Variants in NFKB1 observed in about 807,000 individuals in gnomAD.
The protein encoded by NFKB1 is nuclear factor NF-kappa-B p105 subunit.
Under a neutral mutation model 105.1 loss-of-function variants are expected in NFKB1, and 9 were observed. The observed-to-expected ratio is 0.09, with a 90% CI of 0.05 to 0.15. NFKB1 has a LOEUF of 0.15. Ranked by LOEUF, NFKB1 falls within the 10% of genes least tolerant of loss-of-function variation. The probability of loss-of-function intolerance (pLI) is 1.00; values close to 1 mark genes in which losing one functional copy is unlikely to be tolerated. For synonymous variants in NFKB1, 440 were observed against 442.2 expected, an observed-to-expected ratio of 1.00 and a Z score of 0.06; for missense variants, 830 against 1,203.7, an observed-to-expected ratio of 0.69 and a Z score of 4.59.
At chr4:102,521,754 C>G (rs1249996651) in intron 1 of NFKB1, among the ~76,000 whole-genome samples, 1 of 152,100 alleles carries the variant, frequency 6.6e-6, no homozygotes. Context: ...AGCTCATGTG[C>G]TACACTTTGG....
intron 11 of NFKB1, 93 bp downstream of exon 11, chr4:102,584,913 A>C: frequency 8.0e-7 from 1 of 1,252,282 alleles, no homozygotes; most frequent in Non-Finnish European, 1.1e-6. Flanking sequence ...ACAGAGTCTG[A>C]CTCTGTTGCC....
chr4:102,521,624 A>C (rs962247324), intron 1 of NFKB1, among the ~76,000 whole-genome samples: 1 of 152,188 alleles, frequency 6.6e-6, no homozygotes, highest in Non-Finnish European at 1.5e-5. Context: ...AAGTGTGAAT[A>C]TCTCTGATCC....
At chr4:102,570,332 T>C (rs1724230306) in intron 6 of NFKB1, among the ~76,000 whole-genome samples, 1 of 152,222 alleles carries the variant, frequency 6.6e-6, no homozygotes, top group Non-Finnish European at 1.5e-5. Context: ...GTTCCTGCAT[T>C]AGTTTGCTAA....
In NFKB1 at chr4:102,520,155, C is replaced by G. The variant is rs1740471029; in HGVS notation, c.-7-5357C>G. Among the ~76,000 whole-genome samples, 12 of 152,234 alleles carry G rather than the reference C, an allele frequency of 7.9e-5. No homozygotes were observed. In the South Asian group the frequency reaches 2.3e-3, roughly 29 times the overall value. On this transcript the variant is annotated intron_variant, in intron 1 of 23. Transcript: ENST00000226574. ...TGTCTTCAAACGTTGCCAAATGACC[C>G]CTGGGGGCAAAATGCAAACAGTTTA...
chr4:102,517,766 A>G lies in NFKB1; in HGVS notation c.-7-7746A>G, dbSNP rs1740297586. Reference sequence around the variant, plus strand: ...GAGGTAGAAAAGATGGCATTTCAGGATGCAGGGCATATTGTGAACAAATGT... The same window carrying G: ...GAGGTAGAAAAGATGGCATTTCAGGGTGCAGGGCATATTGTGAACAAATGT... On this transcript the variant is annotated intron_variant, in intron 1 of 23. Coordinates refer to ENST00000226574, the MANE Select transcript of NFKB1 (RefSeq NM_003998.4). Among the ~76,000 whole-genome samples, 3 of 152,208 alleles carry G rather than the reference A, an allele frequency of 2.0e-5. No homozygotes were observed. The South Asian group carries it at 6.2e-4, about 32-fold the overall frequency.
chr4:102,585,265 T>C (rs1245883592), intron 11 of NFKB1, among the ~76,000 whole-genome samples: 1 of 152,184 alleles, frequency 6.6e-6, no homozygotes, highest in Non-Finnish European at 1.5e-5. Flanking sequence ...AGCTTTCTAG[T>C]AACAGGTCCC....
intron 23 of NFKB1, among the ~76,000 whole-genome samples, chr4:102,614,823 T>G (rs1728789210): frequency 6.6e-6 from 1 of 152,006 alleles, no homozygotes; most frequent in African/African-American, 2.4e-5. Flanking sequence ...GGGTCAGTCC[T>G]AAACCCTCCC....
chr4:102,608,052 C>G (rs1478636007), intron 19 of NFKB1, among the ~76,000 whole-genome samples: 1 of 152,130 alleles, frequency 6.6e-6, no homozygotes, highest in Non-Finnish European at 1.5e-5. Flanking sequence ...GAGTTTGATT[C>G]CTTATAGAAT....
At chr4:102,607,023 A>G (rs1000969468) in intron 17 of NFKB1, 127 bp from the exon 18 acceptor site, 5 of 949,986 alleles carry the variant, frequency 5.3e-6, no homozygotes, top group East Asian at 2.4e-5. Context: ...AAAGCAGAAC[A>G]ATAGACTTAT....
intron 1 of NFKB1, among the ~76,000 whole-genome samples, chr4:102,523,253 T>C (rs928569447): frequency 2.0e-5 from 3 of 152,228 alleles, no homozygotes; most frequent in African/African-American, 7.2e-5. Flanking sequence ...CTTGTCTTAA[T>C]TGAGATTTGT....
At chr4:102,567,215 T>TAATGAAAGGGGCCTG in intron 6 of NFKB1, 80 bp downstream of exon 6, 2 of 1,454,308 alleles carry the variant, frequency 1.4e-6, no homozygotes, top group Non-Finnish European at 1.9e-6. Flanking sequence ...AACAGGCCCC[T>TAATGAAAGGGGCCTG]TTCATTAGGG....
chr4:102,603,846 C>T (rs1324488011), intron 16 of NFKB1, among the ~76,000 whole-genome samples: 2 of 152,154 alleles, frequency 1.3e-5, no homozygotes, highest in African/African-American at 2.4e-5. Context: ...TCTAGAAACA[C>T]ACTCAAAATA....
intron 13 of NFKB1, 26 bp downstream of exon 13, chr4:102,595,007 C>A (rs1369843490): frequency 2.7e-6 from 4 of 1,466,784 alleles, no homozygotes; most frequent in South Asian, 1.2e-5. Context: ...TTCTTAATAC[C>A]AAGAAAGGAA....
At chr4:102,512,115 T>C (rs1179385094) in intron 1 of NFKB1, among the ~76,000 whole-genome samples, 2 of 152,224 alleles carry the variant, frequency 1.3e-5, no homozygotes, top group East Asian at 3.8e-4. Flanking sequence ...ATACTGTTTT[T>C]CCTCAGTTGT....
chr4:102,547,503 C>G (rs1257970331), intron 5 of NFKB1, among the ~76,000 whole-genome samples: 1 of 152,078 alleles, frequency 6.6e-6, no homozygotes, highest in African/African-American at 2.4e-5. Context: ...GATGTTGGTT[C>G]CTAGTTTTGC....
chr4:102,556,663 CT>C (rs1283041621), intron 5 of NFKB1, among the ~76,000 whole-genome samples: 1 of 152,048 alleles, frequency 6.6e-6, no homozygotes, highest in Non-Finnish European at 1.5e-5. Context: ...TGCAAAGGGC[CT>C]CAGATTAAGT....
chr4:102,604,830 T>G (rs72934868), intron 16 of NFKB1, among the ~76,000 whole-genome samples: 1,739 of 152,156 alleles, frequency 0.011, 41 homozygotes, highest in African/African-American at 0.039. Flanking sequence ...ATTTGTATAT[T>G]TGGCTTTCCA....
chr4:102,593,741 T>C (rs1447986621), intron 12 of NFKB1, among the ~76,000 whole-genome samples, 173 bp downstream of exon 12: 1 of 152,208 alleles, frequency 6.6e-6, no homozygotes, highest in Non-Finnish European at 1.5e-5. Flanking sequence ...CATGTTCATT[T>C]TACAATATGT....
intron 21 of NFKB1, 62 bp downstream of exon 21, chr4:102,612,172 G>A: frequency 1.4e-6 from 2 of 1,447,306 alleles, no homozygotes; most frequent in Non-Finnish European, 1.9e-6. Flanking sequence ...CATTTAAAGG[G>A]AGGAACCAGC....
Sources: gnomAD v4.1 joint callset for allele counts (sites outside exome capture counted in the v4.1 genomes callset) on GRCh38, gnomAD v4.1.1 for gene constraint, MANE v1.5 for transcripts, NCBI Gene and HGNC (gene_info 2026-07-23, HGNC 2026-07-21) for gene names.